Variants in ANXA8 observed in about 807,000 individuals in gnomAD.
ANXA8 encodes VAC-beta.
Under a neutral mutation model 26.8 loss-of-function variants are expected in ANXA8, and 9 were observed. The ratio of observed to expected loss-of-function variants is 0.34; its 90% CI spans 0.20 to 0.59. The LOEUF is 0.59. ANXA8 is among the 20% of genes least tolerant of loss of function. The pLI is 0.84. For synonymous variants in ANXA8, 39 were observed against 94.8 expected (o/e 0.41, Z 3.42); for missense variants, 83 against 238.5 (o/e 0.35, Z 4.29).
chr10:47,744,540 G>A, the ANXA8 span, among the ~76,000 whole-genome samples: 15 of 151,130 alleles, frequency 9.9e-5, no homozygotes, highest in Admixed American at 8.6e-4. Context: ...TCCACTTTGA[G>A]AAACATACCT....
the ANXA8 span, among the ~76,000 whole-genome samples, chr10:47,957,539 T>C: frequency 6.7e-5 from 10 of 150,210 alleles, no homozygotes; most frequent in South Asian, 2.1e-3. Flanking sequence ...TACAATAGAT[T>C]CCAACCCAGG....
chr10:47,900,643 C>T, the ANXA8 span, among the ~76,000 whole-genome samples: 2 of 134,630 alleles, frequency 1.5e-5, no homozygotes, highest in African/African-American at 2.9e-5. Flanking sequence ...AAAGACAACA[C>T]AATAAATTAT....
the ANXA8 span, among the ~76,000 whole-genome samples, chr10:47,687,161 A>T: frequency 1.3e-5 from 2 of 151,852 alleles, no homozygotes; most frequent in African/African-American, 4.8e-5. Flanking sequence ...AGCTAAAGGG[A>T]AGAAACCATT....
At chr10:47,966,143 G>A in the ANXA8 span, among the ~76,000 whole-genome samples, 1 of 114,442 alleles carries the variant, frequency 8.7e-6, no homozygotes, top group East Asian at 2.2e-4. Context: ...TGCCCCCAGG[G>A]GAGGAGAGAA....
At chr10:47,624,337 A>C in the ANXA8 span, among the ~76,000 whole-genome samples, 6 of 123,030 alleles carry the variant, frequency 4.9e-5, no homozygotes, top group Admixed American at 2.6e-4. Flanking sequence ...AAAATAGTAC[A>C]CAAAACATTA....
chr10:47,653,108 T>A, the ANXA8 span, among the ~76,000 whole-genome samples: 137 of 150,734 alleles, frequency 9.1e-4, no homozygotes, highest in Middle Eastern at 3.4e-3. Context: ...GGTTAGGAGT[T>A]CGAGACCAGC....
the ANXA8 span, chr10:47,985,694 C>T: frequency 7.5e-6 from 1 of 132,998 alleles, no homozygotes; most frequent in African/African-American, 2.8e-5. Flanking sequence ...CTTCAGCTAA[C>T]CTCTACCATG....
the ANXA8 span, among the ~76,000 whole-genome samples, chr10:47,776,512 G>A: frequency 0.02 from 3,055 of 151,574 alleles, 14 homozygotes; most frequent in Non-Finnish European, 0.034. Context: ...TTCTCTGGGC[G>A]GCTCCAGTAT....
chr10:47,707,546 C>T, the ANXA8 span, among the ~76,000 whole-genome samples: 4 of 140,052 alleles, frequency 2.9e-5, 1 homozygote, highest in African/African-American at 9.9e-5. Flanking sequence ...GCCCCCATGC[C>T]CAGCTAATTT....
At chr10:47,733,219 T>TTCTTTCTTTCTCTCTCTCTC in the ANXA8 span, among the ~76,000 whole-genome samples, 8 of 68,082 alleles carry the variant, frequency 1.2e-4, no homozygotes, top group Non-Finnish European at 1.9e-4. Flanking sequence ...CTTTCTTTCT[T>TTCTTTCTTTCTCTCTCTCTC]TCTCTTTCTT....
At chr10:47,747,284 C>A in the ANXA8 span, among the ~76,000 whole-genome samples, 1 of 152,028 alleles carries the variant, frequency 6.6e-6, no homozygotes, top group African/African-American at 2.4e-5. Flanking sequence ...GCCAAGATAT[C>A]ATGTAGAAGG....
the ANXA8 span, among the ~76,000 whole-genome samples, chr10:47,988,708 G>A: frequency 4.0e-5 from 6 of 150,042 alleles, no homozygotes; most frequent in Non-Finnish European, 8.9e-5. Context: ...GGATTGACTG[G>A]GGAAGCTTTC....
chr10:47,511,120 T>G, the ANXA8 span, among the ~76,000 whole-genome samples: 1 of 130,352 alleles, frequency 7.7e-6, no homozygotes, highest in Non-Finnish European at 1.6e-5. Context: ...ACTTTTTGTA[T>G]TTTTAGTAGA....
the ANXA8 span, among the ~76,000 whole-genome samples, chr10:47,674,238 C>T: frequency 6.6e-6 from 1 of 150,500 alleles, no homozygotes; most frequent in South Asian, 2.1e-4. Flanking sequence ...CTCACATGAT[C>T]CTCCCTCCTT....
the ANXA8 span, among the ~76,000 whole-genome samples, chr10:47,527,590 G>A: frequency 6.8e-6 from 1 of 148,070 alleles, no homozygotes; most frequent in African/African-American, 2.5e-5. Context: ...CCAATGCAGA[G>A]TCAAATTTTG....
the ANXA8 span, among the ~76,000 whole-genome samples, chr10:47,595,783 T>C: frequency 6.7e-6 from 1 of 148,516 alleles, no homozygotes; most frequent in Non-Finnish European, 1.5e-5. Context: ...CTACTAGACC[T>C]AAGAGGTAGA....
the ANXA8 span, chr10:47,510,408 A>G: frequency 7.4e-7 from 1 of 1,360,264 alleles, no homozygotes; most frequent in Non-Finnish European, 9.8e-7. Context: ...CAATCTATAG[A>G]AAACCCATTG....
the ANXA8 span, among the ~76,000 whole-genome samples, chr10:47,652,934 T>C: frequency 2.6e-5 from 4 of 151,410 alleles, no homozygotes; most frequent in Non-Finnish European, 5.9e-5. Flanking sequence ...GTAGTGATTT[T>C]ATATTATATT....
the ANXA8 span, among the ~76,000 whole-genome samples, chr10:47,607,882 A>C: frequency 9.9e-6 from 1 of 100,886 alleles, no homozygotes; most frequent in Non-Finnish European, 1.9e-5. Context: ...AAAGGTGAGG[A>C]GTGGCAATAG....
Sources: gnomAD v4.1 joint callset for allele counts (sites outside exome capture counted in the v4.1 genomes callset) on GRCh38, gnomAD v4.1.1 for gene constraint, MANE v1.5 for transcripts, NCBI Gene and HGNC (gene_info 2026-07-23, HGNC 2026-07-21) for gene names.